The following PARD3 variants were observed in gnomAD, a reference collection of about 807,000 sequenced individuals.
The protein encoded by PARD3 is partitioning defective 3 homolog.
Under a neutral mutation model 155.4 loss-of-function variants are expected in PARD3, and 75 were observed. The observed-to-expected ratio is 0.48, with a 90% CI of 0.40 to 0.58. The LOEUF (loss-of-function observed/expected upper bound fraction) is 0.58. Ranked by LOEUF, PARD3 falls within the 20% of genes least tolerant of loss-of-function variation. The pLI is 0.00. For missense variants in PARD3, 1,642 were observed against 1,721.7 expected (o/e 0.95, Z 0.82); for synonymous variants, 576 against 610.5 (o/e 0.94, Z 0.83).
intron 1 of PARD3, among the ~76,000 whole-genome samples, chr10:34,732,647 A>G (rs976392991): frequency 4.6e-5 from 7 of 152,218 alleles, no homozygotes; most frequent in Non-Finnish European, 1.0e-4. Context: ...ACAGTGAGCT[A>G]TGATCATACC....
intron 1 of PARD3, among the ~76,000 whole-genome samples, chr10:34,805,558 T>C (rs890310670): frequency 1.3e-5 from 2 of 148,246 alleles, no homozygotes; most frequent in African/African-American, 5.0e-5. Context: ...TATATATATA[T>C]ATATATATAC....
chr10:34,377,437 A>G (rs1841361457), intron 10 of PARD3, among the ~76,000 whole-genome samples: 1 of 152,060 alleles, frequency 6.6e-6, no homozygotes, highest in African/African-American at 2.4e-5. Context: ...GAAAAATACA[A>G]AAATTAGCCA....
intron 23 of PARD3, among the ~76,000 whole-genome samples, chr10:34,128,810 A>G (rs1014361763): frequency 1.3e-5 from 2 of 152,202 alleles, no homozygotes; most frequent in Non-Finnish European, 2.9e-5. Flanking sequence ...GACCTCAGAG[A>G]TCGTCTAGAC....
At chr10:34,743,863 A>G (rs765809425) in intron 1 of PARD3, among the ~76,000 whole-genome samples, 1 of 152,168 alleles carries the variant, frequency 6.6e-6, no homozygotes, top group Non-Finnish European at 1.5e-5. Flanking sequence ...CAGCCCCCAG[A>G]TAAGGGCATG....
chr10:34,435,909 A>T (rs2076164511), intron 5 of PARD3, among the ~76,000 whole-genome samples: 1 of 152,216 alleles, frequency 6.6e-6, no homozygotes, highest in African/African-American at 2.4e-5. Flanking sequence ...TGAACTACCC[A>T]TCTTAAAAAA....
At chr10:34,704,075 T>C (rs1293484684) in intron 1 of PARD3, among the ~76,000 whole-genome samples, 1 of 152,164 alleles carries the variant, frequency 6.6e-6, no homozygotes. Context: ...GTGGATCCCA[T>C]ATTCCAGGAC....
intron 5 of PARD3, among the ~76,000 whole-genome samples, chr10:34,413,001 C>T (rs1480617062): frequency 2.6e-5 from 4 of 152,006 alleles, no homozygotes; most frequent in Admixed American, 6.6e-5. Flanking sequence ...ACTCTTGAAA[C>T]GTTTACTCTT....
chr10:34,450,532 G>A, intron 4 of PARD3, 84 bp from the exon 5 acceptor site: 1 of 1,249,402 alleles, frequency 8.0e-7, no homozygotes, highest in Non-Finnish European at 1.1e-6. Flanking sequence ...AAAAGTAGCA[G>A]AAAAATGATT....
chr10:34,295,576 C>A (rs1283002354), intron 20 of PARD3, among the ~76,000 whole-genome samples: 1 of 152,166 alleles, frequency 6.6e-6, no homozygotes, highest in Admixed American at 6.5e-5. Context: ...AATGCTTCAT[C>A]ATTGCCTTCA....
intron 2 of PARD3, among the ~76,000 whole-genome samples, chr10:34,551,895 T>G (rs1179954074): frequency 6.6e-6 from 1 of 152,084 alleles, no homozygotes; most frequent in African/African-American, 2.4e-5. Flanking sequence ...ACAAAAAAAA[T>G]CTCATAGACT....
chr10:34,327,124 A>T (rs1414318867), intron 19 of PARD3, among the ~76,000 whole-genome samples: 8 of 152,176 alleles, frequency 5.3e-5, no homozygotes, highest in African/African-American at 1.7e-4. Flanking sequence ...ATAGAAACTG[A>T]TTTATCATGG....
chr10:34,610,513 G>A (rs1047630690), intron 2 of PARD3, among the ~76,000 whole-genome samples: 3 of 152,174 alleles, frequency 2.0e-5, no homozygotes, highest in Non-Finnish European at 2.9e-5. Context: ...AAAGGGTTAC[G>A]TGTGGACCTG....
intron 2 of PARD3, among the ~76,000 whole-genome samples, chr10:34,602,692 T>C (rs936107901): frequency 3.3e-5 from 5 of 152,220 alleles, no homozygotes; most frequent in Non-Finnish European, 5.9e-5. Context: ...TGTACATATG[T>C]ATAATCTATG....
chr10:34,663,531 C>T (rs1481850340), intron 2 of PARD3, among the ~76,000 whole-genome samples: 2 of 152,100 alleles, frequency 1.3e-5, no homozygotes, highest in African/African-American at 2.4e-5. Context: ...CATGCCTGTA[C>T]CGAAATATTT....
In PARD3 at chr10:34,653,328, T is replaced by C. The variant is rs1381465145; in HGVS notation, c.222+42990A>G. Among the ~76,000 whole-genome samples the C allele has an allele frequency of 2.0e-5, 3 of 152,156 alleles. No individual in the cohort carries two copies. The East Asian group carries it at 5.8e-4, about 29-fold the overall frequency. On this transcript the variant is annotated intron_variant, in intron 2 of 24. Coordinates refer to ENST00000374788, the MANE Select transcript of PARD3 (RefSeq NM_001184785.2). ...GCCCCTGACTCACATCATGCTCTCT[T>C]AGACAGCAAGGAAGAATCCCACTGG... is the stretch of plus-strand genomic sequence containing the variant.
intron 10 of PARD3, among the ~76,000 whole-genome samples, chr10:34,375,488 T>G (rs182100766): frequency 2.0e-5 from 3 of 152,080 alleles, no homozygotes; most frequent in Non-Finnish European, 4.4e-5. Context: ...TAAATATAAA[T>G]AAAACACTTT....
At chr10:34,595,552 A>G (rs1329927437) in intron 2 of PARD3, among the ~76,000 whole-genome samples, 1 of 152,202 alleles carries the variant, frequency 6.6e-6, no homozygotes, top group African/African-American at 2.4e-5. Context: ...GACACTCTAC[A>G]TGCCAATTAC....
chr10:34,601,387 G>A (rs2089767016), intron 2 of PARD3, among the ~76,000 whole-genome samples: 2 of 152,108 alleles, frequency 1.3e-5, no homozygotes, highest in African/African-American at 4.8e-5. Context: ...GCTGCAGTGA[G>A]CTATAAGTGC....
chr10:34,348,059 A>G lies in PARD3; in HGVS notation c.2124T>C (p.Asp708=), dbSNP rs1385128385. The G allele has an allele frequency of 6.2e-7, 1 of 1,613,006 alleles. No individual in the cohort carries two copies. The highest frequency in any genetic ancestry group is 8.5e-7 in the Non-Finnish European group (1 of 1,179,540). Residue 708 remains aspartate, a synonymous_variant, in exon 15 of 25, where the codon GAT becomes GAC. Coordinates refer to ENST00000374788, the MANE Select transcript of PARD3 (RefSeq NM_001184785.2). ...GPELPIETAL[D]DRERRISHSL... Reference sequence around the variant, plus strand: ...AATGGGAAATTCTTCGTTCTCTATCATCCAACGCTGTTTCAATGGGCAGCT... The same window carrying G: ...AATGGGAAATTCTTCGTTCTCTATCGTCCAACGCTGTTTCAATGGGCAGCT...
Sources: allele counts gnomAD v4.1 joint callset (sites outside exome capture counted in the v4.1 genomes callset), GRCh38; gene constraint gnomAD v4.1.1; transcripts MANE v1.5; gene names NCBI Gene and HGNC (gene_info 2026-07-23, HGNC 2026-07-21).